GRIK3: variants seen among roughly 807,000 people sequenced by gnomAD.
GRIK3 encodes the protein glutamate ionotropic receptor kainate type subunit 3.
GRIK3 carries 29 observed loss-of-function variants against 102.5 expected under a neutral mutation model. The observed-to-expected ratio is 0.28, with a 90% CI of 0.21 to 0.39. The LOEUF is 0.39. GRIK3 is among the 10% of genes least tolerant of loss of function. The pLI is 1.00. For synonymous variants in GRIK3, 511 were observed against 504.9 expected (o/e 1.01, Z -0.16); for missense variants, 908 against 1,252.4 (o/e 0.73, Z 4.15).
At chr1:36,927,447 G>C (rs764677698) in intron 1 of GRIK3, among the ~76,000 whole-genome samples, 1 of 151,848 alleles carries the variant, frequency 6.6e-6, no homozygotes, top group African/African-American at 2.4e-5. Context: ...CTTTTTTGCC[G>C]GATGTGATGA....
chr1:36,914,051 G>A (rs1447886372), intron 1 of GRIK3, among the ~76,000 whole-genome samples: 1 of 152,216 alleles, frequency 6.6e-6, no homozygotes, highest in Admixed American at 6.5e-5. Flanking sequence ...CTAGCTCCTT[G>A]TTTACCAGGG....
Position 36,799,468 on chromosome 1 carries a change from ACT to A in GRIK3, c.*2381_*2382del, listed in dbSNP as rs1301669927. On this transcript the variant is annotated 3_prime_UTR_variant, in exon 16 of 16. Coordinates refer to ENST00000373091, the MANE Select transcript of GRIK3 (RefSeq NM_000831.4). ...GGTCCTGGCCTTCCCCCCGCTCCCC[ACT>A]GTGCACACATGCCTGTACACATGTG... 1 of 152,264 alleles carries A rather than the reference ACT, an allele frequency of 6.6e-6. No homozygotes were observed. Among genetic ancestry groups the A allele is most frequent in the Non-Finnish European group, 1.5e-5 (1 of 68,148 alleles). 9.4% of individuals were successfully genotyped at this position (152,264 alleles called of 1,614,324 possible).
chr1:36,959,182 TCTGTGTCCCGTGAGC>T (rs1439959801), intron 1 of GRIK3, among the ~76,000 whole-genome samples: 6 of 129,104 alleles, frequency 4.6e-5, no homozygotes, highest in African/African-American at 1.4e-4. Flanking sequence ...GTCCCATGAC[TCTGTGTCCCGTGAGC>T]CTGTGTGCCC....
At chr1:37,024,136 C>T (rs1460507525) in intron 1 of GRIK3, among the ~76,000 whole-genome samples, 1 of 152,200 alleles carries the variant, frequency 6.6e-6, no homozygotes, top group African/African-American at 2.4e-5. Context: ...TATAACTAGA[C>T]ACCAAAGCTG....
chr1:36,849,664 C>T (rs1359207433), intron 9 of GRIK3: 3 of 152,746 alleles, frequency 2.0e-5, no homozygotes, highest in East Asian at 3.9e-4. Context: ...GCCCTGGCAG[C>T]ACAAGGGGGT....
rs1033764405 is a variant in GRIK3, at chr1:36,799,250, G to A, written c.*2601C>T. The A allele has an allele frequency of 2.0e-5, 3 of 152,234 alleles. No individual in the cohort carries two copies. Among genetic ancestry groups the A allele is most frequent in the Non-Finnish European group, 4.4e-5 (3 of 68,054 alleles). The allele number at this position is 152,234 out of a possible 1,614,324, so 9.4% of individuals were successfully genotyped here. ...CTGGCAAGTGTGCCCATGCAACCTT[G>A]GAACCTCTCTGTGACAAATGATCTC... On this transcript the variant is annotated 3_prime_UTR_variant, in exon 16 of 16. Coordinates refer to ENST00000373091, the MANE Select transcript of GRIK3 (RefSeq NM_000831.4).
At chr1:36,857,187 A>G (rs1380818513) in intron 7 of GRIK3, among the ~76,000 whole-genome samples, 2 of 152,050 alleles carry the variant, frequency 1.3e-5, no homozygotes, top group Non-Finnish European at 2.9e-5. Flanking sequence ...AGGCTCCCAA[A>G]TTTCCCGATT....
At chr1:36,843,638 G>C (rs1048783762) in intron 9 of GRIK3, among the ~76,000 whole-genome samples, 1 of 152,094 alleles carries the variant, frequency 6.6e-6, no homozygotes, top group Non-Finnish European at 1.5e-5. Context: ...TCAGGTAAAG[G>C]GCTGCCATCC....
chr1:37,009,183 A>C (rs577221861), intron 1 of GRIK3, among the ~76,000 whole-genome samples: 7 of 152,358 alleles, frequency 4.6e-5, no homozygotes, highest in African/African-American at 1.7e-4. Flanking sequence ...GCACTCAGGA[A>C]ATGTTAAGCT....
At chr1:36,967,682 T>C (rs1642094970) in intron 1 of GRIK3, among the ~76,000 whole-genome samples, 1 of 152,012 alleles carries the variant, frequency 6.6e-6, no homozygotes, top group Admixed American at 6.6e-5. Context: ...TGACAAGAGG[T>C]GAAGGGCAGA....
intron 1 of GRIK3, among the ~76,000 whole-genome samples, chr1:36,950,310 T>A (rs1557437303): frequency 6.6e-6 from 1 of 152,230 alleles, no homozygotes; most frequent in Admixed American, 6.5e-5. Flanking sequence ...GTCCATTGAA[T>A]AACATAAAGA....
chr1:36,942,721 C>G (rs1641741188), intron 1 of GRIK3, among the ~76,000 whole-genome samples: 1 of 151,754 alleles, frequency 6.6e-6, no homozygotes, highest in Non-Finnish European at 1.5e-5. Context: ...AACCCACCCC[C>G]ATGCCTTGCC....
chr1:36,820,024 C>T (rs1334185802), intron 11 of GRIK3, among the ~76,000 whole-genome samples, 170 bp from the exon 12 acceptor site: 1 of 152,168 alleles, frequency 6.6e-6, no homozygotes, highest in African/African-American at 2.4e-5. Context: ...TTGTTAGTGC[C>T]CTTTTCTGGT....
At chr1:36,936,035 A>G (rs1457188774) in intron 1 of GRIK3, among the ~76,000 whole-genome samples, 1 of 152,184 alleles carries the variant, frequency 6.6e-6, no homozygotes, top group Admixed American at 6.5e-5. Flanking sequence ...AACTACAAAC[A>G]AATCCCAGAA....
chr1:36,926,193 CCTAA>C (rs1641525162), intron 1 of GRIK3, among the ~76,000 whole-genome samples: 1 of 152,118 alleles, frequency 6.6e-6, no homozygotes, highest in African/African-American at 2.4e-5. Context: ...TGCCCCCTGC[CCTAA>C]CTGTTTGTGG....
chr1:36,917,770 C>T (rs999709275), intron 1 of GRIK3, among the ~76,000 whole-genome samples: 6 of 152,188 alleles, frequency 3.9e-5, no homozygotes, highest in Non-Finnish European at 5.9e-5. Context: ...AGCTTGAAAA[C>T]GGACTAATAC....
chr1:36,955,491 C>G (rs1161680773), intron 1 of GRIK3, among the ~76,000 whole-genome samples: 1 of 152,212 alleles, frequency 6.6e-6, no homozygotes, highest in Non-Finnish European at 1.5e-5. Context: ...GCACATCACT[C>G]AAACCCAGAA....
At chr1:36,986,552 C>A (rs374849755) in intron 1 of GRIK3, among the ~76,000 whole-genome samples, 1 of 152,118 alleles carries the variant, frequency 6.6e-6, no homozygotes. Context: ...TACCAAGCCC[C>A]GGGTTCTAGG....
chr1:36,874,063 C>A (rs1640885589), intron 3 of GRIK3, among the ~76,000 whole-genome samples: 1 of 152,186 alleles, frequency 6.6e-6, no homozygotes, highest in Non-Finnish European at 1.5e-5. Flanking sequence ...TTGCTGCCCC[C>A]AAACTTTTTT....
Sources: gnomAD v4.1 joint callset for allele counts (sites outside exome capture counted in the v4.1 genomes callset) on GRCh38, gnomAD v4.1.1 for gene constraint, MANE v1.5 for transcripts, NCBI Gene and HGNC (gene_info 2026-07-23, HGNC 2026-07-21) for gene names.